RASGRF2: variants seen among roughly 807,000 people sequenced by gnomAD.
RASGRF2 encodes Ras protein specific guanine nucleotide releasing factor 2.
RASGRF2 carries 76 observed loss-of-function variants against 151.0 expected under a neutral mutation model. The observed-to-expected ratio is 0.50, with a 90% confidence interval of 0.42 to 0.61. The LOEUF (loss-of-function observed/expected upper bound fraction) is 0.61. Among genes scored for constraint, RASGRF2 ranks in the 20% least tolerant of loss-of-function variants. The probability of loss-of-function intolerance (pLI) is 0.00; values close to 1 mark genes in which losing one functional copy is unlikely to be tolerated. For synonymous variants in RASGRF2, 504 were observed against 566.5 expected, an observed-to-expected ratio of 0.89 and a Z score of 1.57; for missense variants, 1,148 against 1,564.6, an observed-to-expected ratio of 0.73 and a Z score of 4.49.
chr5:81,129,283 C>G (rs1232522422), intron 17 of RASGRF2, among the ~76,000 whole-genome samples: 4 of 152,120 alleles, frequency 2.6e-5, no homozygotes, highest in Non-Finnish European at 4.4e-5. Flanking sequence ...CATTTTTCAC[C>G]TTTGTGGTAA....
intron 18 of RASGRF2, among the ~76,000 whole-genome samples, chr5:81,198,596 T>C (rs1316826932): frequency 3.9e-5 from 6 of 152,182 alleles, no homozygotes; most frequent in Admixed American, 2.6e-4. Context: ...ACTGCCACCA[T>C]ACCCAGCAAA....
chr5:81,187,337 C>T (rs962383696), intron 18 of RASGRF2, among the ~76,000 whole-genome samples: 2 of 152,190 alleles, frequency 1.3e-5, no homozygotes, highest in African/African-American at 2.4e-5. Flanking sequence ...AATAGTCCCA[C>T]GTGACTAATG....
chr5:80,960,834 G>C lies in RASGRF2; in HGVS notation c.96G>C (p.Lys32Asn). 6.2e-7 allele frequency: 1 copy of C among 1,613,614 alleles called. No individual in the cohort carries two copies. Among genetic ancestry groups the C allele is most frequent in the Non-Finnish European group, 8.5e-7 (1 of 1,179,760 alleles). ...EGTKRGFLSKKTAEASRWHEK... is the reference protein window; with the variant it reads ...EGTKRGFLSKNTAEASRWHEK... ...CCAAGCGCGGCTTCCTGAGTAAGAAGACGGCCGAGGCGAGCCGCTGGCACG... is the reference window on the plus strand; with the variant it reads ...CCAAGCGCGGCTTCCTGAGTAAGAACACGGCCGAGGCGAGCCGCTGGCACG... The change falls in exon 1 of 27, where the codon AAG becomes AAC. Residue 32 changes from lysine to asparagine, a missense_variant. Transcript: ENST00000265080. The surrounding 1 kb of genome is among the most constrained non-coding windows in gnomAD (Gnocchi z 5.5).
At chr5:81,133,699 T>C (rs1033341883) in intron 17 of RASGRF2, among the ~76,000 whole-genome samples, 1 of 152,232 alleles carries the variant, frequency 6.6e-6, no homozygotes, top group Non-Finnish European at 1.5e-5. Context: ...GCAGATTATA[T>C]GTTTTACTGT....
intron 2 of RASGRF2, among the ~76,000 whole-genome samples, chr5:81,062,018 A>AC (rs1751457044): frequency 7.3e-6 from 1 of 136,748 alleles, no homozygotes; most frequent in Non-Finnish European, 1.6e-5. Flanking sequence ...AAAAAAAAAA[A>AC]AAAAAACTGT....
chr5:81,150,322 A>G (rs1754104498), intron 17 of RASGRF2, among the ~76,000 whole-genome samples: 1 of 152,210 alleles, frequency 6.6e-6, no homozygotes, highest in South Asian at 2.1e-4. Context: ...CTTTAAAATG[A>G]GAAGAATGAC....
chr5:81,157,025 A>G, intron 17 of RASGRF2, among the ~76,000 whole-genome samples: 1 of 152,162 alleles, frequency 6.6e-6, no homozygotes, highest in Non-Finnish European at 1.5e-5. Context: ...TTAACAATGA[A>G]CAACCCAAAA....
At chr5:80,967,555 G>A (rs975256932) in intron 1 of RASGRF2, among the ~76,000 whole-genome samples, 2 of 152,104 alleles carry the variant, frequency 1.3e-5, no homozygotes, top group Non-Finnish European at 2.9e-5. Flanking sequence ...GATATGAGTG[G>A]TACTTTTTAT....
chr5:81,199,801 G>C (rs909275277), intron 18 of RASGRF2, among the ~76,000 whole-genome samples: 2 of 149,042 alleles, frequency 1.3e-5, no homozygotes, highest in Non-Finnish European at 3.0e-5. Flanking sequence ...AGGAGGCTGA[G>C]ACAGGAGAAT....
Position 81,034,355 on chromosome 5 carries a change from G to A in RASGRF2, c.289-8522G>A, listed in dbSNP as rs201520807. On this transcript the variant is annotated intron_variant, in intron 1 of 26. Transcript: ENST00000265080. ...AACACTTTTACACTGTTGGTGGGACGGTAAACTAGTTCAACCATTGTGGAA... is the reference window on the plus strand; with the variant it reads ...AACACTTTTACACTGTTGGTGGGACAGTAAACTAGTTCAACCATTGTGGAA... 8.1e-3 allele frequency among the ~76,000 whole-genome samples: 1,227 copies of A among 151,936 alleles called. 73 individuals carry two copies. In the East Asian group the frequency reaches 0.16, roughly 20 times the overall value.
At chr5:81,215,157 C>T (rs1755707291) in intron 23 of RASGRF2, among the ~76,000 whole-genome samples, 1 of 151,878 alleles carries the variant, frequency 6.6e-6, no homozygotes, top group South Asian at 2.1e-4. Context: ...TGGCCAACAT[C>T]GTGAAACTCT....
At chr5:81,133,671 A>G (rs1753679900) in intron 17 of RASGRF2, among the ~76,000 whole-genome samples, 1 of 152,100 alleles carries the variant, frequency 6.6e-6, no homozygotes, top group African/African-American at 2.4e-5. Context: ...ACTATAAGCA[A>G]CTCCTGGTTA....
chr5:81,143,366 T>C (rs1753928842), intron 17 of RASGRF2, among the ~76,000 whole-genome samples: 1 of 151,642 alleles, frequency 6.6e-6, no homozygotes, highest in Non-Finnish European at 1.5e-5. Context: ...CAGGCTGGTC[T>C]TGAGCTCCTG....
intron 17 of RASGRF2, among the ~76,000 whole-genome samples, chr5:81,167,418 G>A (rs980363099): frequency 6.6e-5 from 10 of 152,280 alleles, no homozygotes; most frequent in Non-Finnish European, 1.2e-4. Context: ...CTGCAAAACC[G>A]AGAGATTGTT....
chr5:81,207,187 C>T (rs1312039784), intron 20 of RASGRF2, 59 bp from the exon 21 acceptor site: 1 of 1,422,776 alleles, frequency 7.0e-7, no homozygotes, highest in African/African-American at 1.4e-5. Context: ...CACTGACCTG[C>T]AATGAGATGG....
intron 1 of RASGRF2, among the ~76,000 whole-genome samples, chr5:80,963,133 G>T (rs1747616507): frequency 6.6e-6 from 1 of 152,154 alleles, no homozygotes; most frequent in Non-Finnish European, 1.5e-5. Context: ...TAAGAAACAA[G>T]GAGAAACATT....
chr5:81,187,347 G>C (rs1755047742), intron 18 of RASGRF2, among the ~76,000 whole-genome samples: 1 of 152,162 alleles, frequency 6.6e-6, no homozygotes, highest in Non-Finnish European at 1.5e-5. Flanking sequence ...CGTGACTAAT[G>C]GTTACAGTAT....
rs148472828 is a variant in RASGRF2, at chr5:80,994,097, G to A, written c.288+33071G>A. Among the ~76,000 whole-genome samples the A allele has an allele frequency of 1.2e-4, 19 of 152,198 alleles. No individual in the cohort carries two copies. In the East Asian group the frequency reaches 3.7e-3, roughly 29 times the overall value. ...CCAATGTGGCTCCAGGGCCCCCTGC[G>A]AAGTACACTTTAAGAAGGGGTAGTC... On this transcript the variant is annotated intron_variant, in intron 1 of 26. Coordinates refer to ENST00000265080, the MANE Select transcript of RASGRF2 (RefSeq NM_006909.3).
chr5:81,054,050 A>G (rs1229404057), intron 2 of RASGRF2, among the ~76,000 whole-genome samples: 1 of 152,146 alleles, frequency 6.6e-6, no homozygotes, highest in African/African-American at 2.4e-5. Flanking sequence ...AGTAGATTGA[A>G]AAAATTTTCT....
Sources: allele counts gnomAD v4.1 joint callset (sites outside exome capture counted in the v4.1 genomes callset), GRCh38; gene constraint gnomAD v4.1.1; non-coding constraint Gnocchi (gnomAD v3.1); transcripts MANE v1.5; gene names NCBI Gene and HGNC (gene_info 2026-07-23, HGNC 2026-07-21).